CHSY3: variants seen among roughly 807,000 people sequenced by gnomAD.
The protein encoded by CHSY3 is N-acetylgalactosaminyl-proteoglycan 3-beta-glucuronosyltransferase 3.
Under a neutral mutation model 67.2 loss-of-function variants are expected in CHSY3, and 35 were observed. That is an observed-to-expected ratio of 0.52 (90% CI 0.40 to 0.69). The LOEUF (loss-of-function observed/expected upper bound fraction) is 0.69, where lower values mean the gene tolerates loss of function less well. CHSY3 is among the 30% of genes least tolerant of loss of function. CHSY3 has a pLI of 0.00. For missense variants in CHSY3, 1,069 were observed against 1,138.5 expected, an observed-to-expected ratio of 0.94 and a Z score of 0.88; for synonymous variants, 474 against 434.7, an observed-to-expected ratio of 1.09 and a Z score of -1.12.
chr5:130,141,158 C>A (rs1232397865), intron 2 of CHSY3: 3 of 412,622 alleles, frequency 7.3e-6, no homozygotes, highest in Admixed American at 3.3e-5. Flanking sequence ...GGCAGCCATC[C>A]TATCTGGAAG....
chr5:130,016,215 A>G (rs188474139), intron 2 of CHSY3, among the ~76,000 whole-genome samples: 1 of 152,336 alleles, frequency 6.6e-6, no homozygotes, highest in Admixed American at 6.5e-5. Context: ...CTGCATATGT[A>G]TAAAATTTGG....
At chr5:130,037,842 G>A (rs1001060904) in intron 2 of CHSY3, among the ~76,000 whole-genome samples, 9 of 151,990 alleles carry the variant, frequency 5.9e-5, no homozygotes, top group African/African-American at 2.2e-4. Flanking sequence ...CTTAAAAGCA[G>A]CCATTTGATC....
At chr5:130,028,909 A>T (rs1270288244) in intron 2 of CHSY3, among the ~76,000 whole-genome samples, 2 of 150,836 alleles carry the variant, frequency 1.3e-5, no homozygotes, top group African/African-American at 4.9e-5. Flanking sequence ...TCTCTCCCCC[A>T]CATCTGCTTC....
chr5:130,140,083 TG>T, intron 2 of CHSY3: 1 of 204,530 alleles, frequency 4.9e-6, no homozygotes, highest in South Asian at 8.8e-5. Flanking sequence ...AACTGTTGTG[TG>T]GGTATTTTCC....
chr5:130,054,813 T>G (rs2149673317), intron 2 of CHSY3, among the ~76,000 whole-genome samples: 1 of 152,270 alleles, frequency 6.6e-6, no homozygotes, highest in South Asian at 2.1e-4. Flanking sequence ...ACTCCACTAG[T>G]TATGTGAGTG....
intron 2 of CHSY3, among the ~76,000 whole-genome samples, chr5:130,047,145 A>G (rs1765177849): frequency 6.6e-6 from 1 of 151,912 alleles, no homozygotes; most frequent in Admixed American, 6.6e-5. Context: ...AGTATATTTG[A>G]TAACTTGCAA....
intron 2 of CHSY3, among the ~76,000 whole-genome samples, chr5:130,075,171 C>A (rs1766210421): frequency 1.3e-5 from 2 of 152,040 alleles, no homozygotes; most frequent in Admixed American, 1.3e-4. Context: ...ATGTTTCAGG[C>A]TTAGAGAGGG....
chr5:129,958,797 G>T (rs1042005386), intron 2 of CHSY3, among the ~76,000 whole-genome samples: 1 of 152,142 alleles, frequency 6.6e-6, no homozygotes, highest in Non-Finnish European at 1.5e-5. Flanking sequence ...TACCCAAAGT[G>T]CTGGGATTAT....
At position 130,014,469 on chromosome 5, in the gene CHSY3, C is replaced by T. The variant is rs58866443; in HGVS notation, c.1086+106109C>T. ...TGGTGGAAGGCACCTCTTCACAGGA[C>T]AGCAGGAGAGAGAATGAGTGCCAGG... On this transcript the variant is annotated intron_variant, in intron 2 of 2. Coordinates refer to ENST00000305031, the MANE Select transcript of CHSY3 (RefSeq NM_175856.5). 9.9e-3 allele frequency among the ~76,000 whole-genome samples: 1,507 copies of T among 152,276 alleles called. 28 individuals carry two copies. The highest frequency in any genetic ancestry group is 0.035 in the African/African-American group (1,452 of 41,552).
intron 2 of CHSY3, among the ~76,000 whole-genome samples, chr5:130,178,668 T>C (rs1349985607): frequency 6.6e-6 from 1 of 152,174 alleles, no homozygotes; most frequent in East Asian, 1.9e-4. Flanking sequence ...AGATGGCTTC[T>C]ATCCTTAATA....
intron 2 of CHSY3, among the ~76,000 whole-genome samples, chr5:130,038,995 T>C (rs1033719790): frequency 1.3e-5 from 2 of 152,150 alleles, no homozygotes; most frequent in African/African-American, 4.8e-5. Flanking sequence ...ATACGAATAT[T>C]TCTATATCGT....
chr5:130,123,814 T>C (rs1273539450), intron 2 of CHSY3, among the ~76,000 whole-genome samples: 1 of 151,608 alleles, frequency 6.6e-6, no homozygotes, highest in Non-Finnish European at 1.5e-5. Flanking sequence ...TCCCAGCACT[T>C]TGGGAGGCTG....
intron 2 of CHSY3, among the ~76,000 whole-genome samples, chr5:130,031,671 T>C (rs1453263424): frequency 6.6e-6 from 1 of 152,180 alleles, no homozygotes; most frequent in African/African-American, 2.4e-5. Context: ...TTCCATGTAA[T>C]ATTTGTAAGC....
intron 2 of CHSY3, among the ~76,000 whole-genome samples, chr5:130,068,967 TG>T (rs1765971859): frequency 6.6e-6 from 1 of 152,082 alleles, no homozygotes; most frequent in South Asian, 2.1e-4. Flanking sequence ...AATGAATAAA[TG>T]GGTGGAGTAC....
At chr5:130,160,574 T>C (rs572704370) in intron 2 of CHSY3, among the ~76,000 whole-genome samples, 1 of 152,362 alleles carries the variant, frequency 6.6e-6, no homozygotes, top group East Asian at 1.9e-4. Flanking sequence ...CATTTGGAGA[T>C]GCTTTCTGCA....
intron 2 of CHSY3, among the ~76,000 whole-genome samples, chr5:129,944,346 G>T (rs1442090361): frequency 6.6e-6 from 1 of 150,866 alleles, no homozygotes; most frequent in Non-Finnish European, 1.5e-5. Context: ...TGTGTAGATG[G>T]TCTTATAAAT....
At chr5:129,996,186 C>T (rs117048424) in intron 2 of CHSY3, among the ~76,000 whole-genome samples, 1,698 of 152,250 alleles carry the variant, frequency 0.011, 20 homozygotes, top group African/African-American at 0.032. Flanking sequence ...TGCCTAACAA[C>T]AGCAGCTGTT....
intron 2 of CHSY3, among the ~76,000 whole-genome samples, chr5:130,111,258 A>C (rs1025413588): frequency 2.0e-5 from 3 of 150,894 alleles, no homozygotes; most frequent in Non-Finnish European, 4.4e-5. Context: ...ATAATCTGCT[A>C]TACTGTGTTT....
intron 2 of CHSY3, among the ~76,000 whole-genome samples, chr5:129,962,980 G>A (rs778637579): frequency 2.6e-5 from 4 of 151,902 alleles, no homozygotes; most frequent in Non-Finnish European, 5.9e-5. Context: ...TCTGCTCCTG[G>A]TGTTCTAGTA....
Sources: allele counts gnomAD v4.1 joint callset (sites outside exome capture counted in the v4.1 genomes callset), GRCh38; gene constraint gnomAD v4.1.1; transcripts MANE v1.5; gene names NCBI Gene and HGNC (gene_info 2026-07-23, HGNC 2026-07-21).